Variants in STK32B observed in about 807,000 individuals in gnomAD.
STK32B encodes serine/threonine kinase 32B, also known as serine/threonine-protein kinase 32B.
In STK32B, 43 loss-of-function variants were observed where a neutral mutation model predicts 52.6. That is an observed-to-expected ratio of 0.82 (90% confidence interval 0.64 to 1.05). STK32B has a LOEUF of 1.05. Among genes scored for constraint, STK32B ranks in the 50% least tolerant of loss-of-function variants. The pLI, the probability that STK32B is intolerant of heterozygous loss-of-function variation, is 0.00. For synonymous variants in STK32B, 238 were observed against 204.3 expected, an observed-to-expected ratio of 1.17 and a Z score of -1.41; for missense variants, 621 against 534.6, an observed-to-expected ratio of 1.16 and a Z score of -1.59.
intron 1 of STK32B, among the ~76,000 whole-genome samples, chr4:5,065,277 A>G (rs1742375562): frequency 6.6e-6 from 1 of 152,198 alleles, no homozygotes; most frequent in East Asian, 1.9e-4. Context: ...GGAGGTATAG[A>G]AGCAGCAACT....
chr4:5,275,190 C>G (rs1727732155), intron 3 of STK32B, among the ~76,000 whole-genome samples: 1 of 152,008 alleles, frequency 6.6e-6, no homozygotes. Context: ...GAGCAAGGAC[C>G]CCCCCAGTTA....
chr4:5,114,056 T>A (rs971896403), intron 1 of STK32B, among the ~76,000 whole-genome samples: 4 of 152,044 alleles, frequency 2.6e-5, no homozygotes, highest in Non-Finnish European at 4.4e-5. Context: ...TTGTGGAAAT[T>A]GTGAAGGATA....
rs1741782510 is a variant in STK32B, at chr4:5,051,602, A to G, written c.-262A>G. The G allele has an allele frequency of 4.1e-6, 2 of 485,044 alleles. No homozygotes were observed. Among genetic ancestry groups the G allele is most frequent in the African/African-American group, 2.1e-5 (1 of 48,372 alleles). 30.0% of individuals were successfully genotyped at this position (485,044 alleles called of 1,614,324 possible). A position where few individuals can be genotyped will look rare whatever the true frequency, so the allele number is the denominator to read the frequency against. On this transcript the variant is annotated 5_prime_UTR_variant, in exon 1 of 12. Transcript: ENST00000282908. Reference sequence around the variant, plus strand: ...GGGTTCCCGGGCGGGCACTGGAGTAAGGAGCTGCGAGCGCAGCCCGAGGCG... The same window carrying G: ...GGGTTCCCGGGCGGGCACTGGAGTAGGGAGCTGCGAGCGCAGCCCGAGGCG...
At chr4:5,034,691 G>A in the STK32B span, among the ~76,000 whole-genome samples, 3 of 152,172 alleles carry the variant, frequency 2.0e-5, no homozygotes, top group East Asian at 3.8e-4. Flanking sequence ...CTGCTTGAGC[G>A]ATATATTCAG....
In STK32B at chr4:5,059,491, A is replaced by T. The variant is rs547494644; in HGVS notation, c.52+7576A>T. Among the ~76,000 whole-genome samples, 6 of 152,190 alleles carry T rather than the reference A, an allele frequency of 3.9e-5. No individual in the cohort carries two copies. The South Asian group carries it at 1.2e-3, about 32-fold the overall frequency. ...ATATGTGACTTTTCTTCTTTTTGTG[A>T]TCAGACAAAGAATTATACTGATTGA... On this transcript the variant is annotated intron_variant, in intron 1 of 11. Coordinates refer to ENST00000282908, the MANE Select transcript of STK32B (RefSeq NM_018401.3).
At chr4:5,328,079 T>G (rs1731995705) in intron 3 of STK32B, among the ~76,000 whole-genome samples, 1 of 152,194 alleles carries the variant, frequency 6.6e-6, no homozygotes, top group Non-Finnish European at 1.5e-5. Flanking sequence ...TTTCTGCAAC[T>G]CCCTCACCTC....
intron 3 of STK32B, among the ~76,000 whole-genome samples, chr4:5,201,601 A>G (rs554208135): frequency 2.0e-5 from 3 of 152,168 alleles, no homozygotes; most frequent in Non-Finnish European, 4.4e-5. Context: ...ATAAGGAGCT[A>G]CCTGAGACTG....
intron 4 of STK32B, among the ~76,000 whole-genome samples, chr4:5,350,360 A>C (rs1733747522): frequency 6.6e-6 from 1 of 152,186 alleles, no homozygotes; most frequent in African/African-American, 2.4e-5. Flanking sequence ...CCAGACAAGC[A>C]AAAGCTGAGA....
intron 4 of STK32B, among the ~76,000 whole-genome samples, chr4:5,335,209 G>A (rs987903457): frequency 2.6e-5 from 4 of 152,152 alleles, no homozygotes; most frequent in South Asian, 2.1e-4. Context: ...GTCTTGGGAG[G>A]GTGTATGTGT....
chr4:5,365,554 A>C (rs1295810015), intron 4 of STK32B, among the ~76,000 whole-genome samples: 8 of 152,340 alleles, frequency 5.3e-5, no homozygotes, highest in African/African-American at 1.4e-4. Flanking sequence ...GCTGCATATC[A>C]AATAACACTC....
chr4:5,195,237 G>C (rs1166295387), intron 3 of STK32B, among the ~76,000 whole-genome samples: 1 of 152,084 alleles, frequency 6.6e-6, no homozygotes, highest in Non-Finnish European at 1.5e-5. Context: ...CCTTTGATTT[G>C]CCAATATATT....
At chr4:5,099,432 C>CTGTG (rs746438820) in intron 1 of STK32B, among the ~76,000 whole-genome samples, 2,571 of 138,832 alleles carry the variant, frequency 0.019, 62 homozygotes, top group African/African-American at 0.053. Flanking sequence ...CTGCAGTCCT[C>CTGTG]TGTGTGTGTG....
intron 3 of STK32B, among the ~76,000 whole-genome samples, chr4:5,176,070 G>A (rs1414813647): frequency 2.0e-5 from 3 of 152,228 alleles, no homozygotes; most frequent in Admixed American, 6.5e-5. Flanking sequence ...AGCAATGAGC[G>A]AGGCTTTGTG....
chr4:5,030,101 T>C, the STK32B span, among the ~76,000 whole-genome samples: 167 of 152,316 alleles, frequency 1.1e-3, no homozygotes, highest in African/African-American at 3.6e-3. Flanking sequence ...TGTGAGTCAG[T>C]GAAACCTCTT....
At chr4:5,183,391 C>T (rs1422957818) in intron 3 of STK32B, among the ~76,000 whole-genome samples, 2 of 151,610 alleles carry the variant, frequency 1.3e-5, no homozygotes, top group Non-Finnish European at 2.9e-5. Flanking sequence ...GCAGGAGAAT[C>T]GCTTGAACTG....
At chr4:5,129,855 A>G (rs1253696873) in intron 1 of STK32B, among the ~76,000 whole-genome samples, 2 of 152,110 alleles carry the variant, frequency 1.3e-5, no homozygotes, top group African/African-American at 2.4e-5. Flanking sequence ...CTCCCATTCA[A>G]TATTTATTCA....
chr4:5,477,419 C>G (rs1015566140), intron 11 of STK32B, among the ~76,000 whole-genome samples: 1 of 152,136 alleles, frequency 6.6e-6, no homozygotes, highest in Non-Finnish European at 1.5e-5. Context: ...CATTTTCTGT[C>G]TAGAGACACA....
chr4:5,232,362 A>G (rs1284031659), intron 3 of STK32B, among the ~76,000 whole-genome samples: 1 of 152,246 alleles, frequency 6.6e-6, no homozygotes, highest in Non-Finnish European at 1.5e-5. Flanking sequence ...TGTAATAACT[A>G]TAATGTGATA....
At chr4:5,410,567 C>T (rs1253578816) in intron 5 of STK32B, among the ~76,000 whole-genome samples, 2 of 152,146 alleles carry the variant, frequency 1.3e-5, no homozygotes, top group African/African-American at 4.8e-5. Flanking sequence ...TACAAGCAGA[C>T]GTCCTCTTCT....
Sources: allele counts gnomAD v4.1 joint callset (sites outside exome capture counted in the v4.1 genomes callset), GRCh38; gene constraint gnomAD v4.1.1; transcripts MANE v1.5; gene names NCBI Gene and HGNC (gene_info 2026-07-23, HGNC 2026-07-21).